The following FBXO42 variants were observed in gnomAD, a reference collection of about 807,000 sequenced individuals.
FBXO42 encodes F-box protein 42.
A neutral mutation model predicts 71.7 loss-of-function variants in FBXO42; 12 were observed. That is an observed-to-expected ratio of 0.17 (90% confidence interval 0.11 to 0.27). The LOEUF (loss-of-function observed/expected upper bound fraction) is 0.27. Ranked by LOEUF, FBXO42 falls within the 10% of genes least tolerant of loss-of-function variation. The pLI is 1.00. For missense variants in FBXO42, 707 were observed against 911.9 expected (o/e 0.78, Z 2.89); for synonymous variants, 325 against 327.5 (o/e 0.99, Z 0.08).
intron 7 of FBXO42, 75 bp downstream of exon 7, chr1:16,253,560 C>A: frequency 7.3e-7 from 1 of 1,362,344 alleles, no homozygotes; most frequent in Non-Finnish European, 1.0e-6. Context: ...TCTTACCTGA[C>A]TCCCTCCTCC....
chr1:16,259,567 C>T (rs1391982389), intron 4 of FBXO42, among the ~76,000 whole-genome samples: 1 of 151,928 alleles, frequency 6.6e-6, no homozygotes, highest in Non-Finnish European at 1.5e-5. Flanking sequence ...AGTTTCAGAC[C>T]AGTCTGGCCA....
chr1:16,270,756 A>G (rs2081834145), intron 4 of FBXO42, among the ~76,000 whole-genome samples: 1 of 137,680 alleles, frequency 7.3e-6, no homozygotes, highest in African/African-American at 2.9e-5. Context: ...TGAGATACAC[A>G]CACACACACA....
intron 2 of FBXO42, among the ~76,000 whole-genome samples, chr1:16,309,357 A>G (rs553697373): frequency 9.3e-4 from 141 of 151,682 alleles, no homozygotes; most frequent in Middle Eastern, 3.4e-3. Flanking sequence ...GATTATAGGC[A>G]TGAGCCACCG....
chr1:16,309,446 G>A (rs1326110373), intron 2 of FBXO42, among the ~76,000 whole-genome samples: 1 of 152,028 alleles, frequency 6.6e-6, no homozygotes, highest in Non-Finnish European at 1.5e-5. Flanking sequence ...CTACATGCAA[G>A]AAAATGAATC....
At position 16,266,181 on chromosome 1, in the gene FBXO42, T is replaced by G. The variant is rs2081770133; in HGVS notation, c.503-9422A>C. Among the ~76,000 whole-genome samples the G allele has an allele frequency of 4.0e-5, 6 of 150,890 alleles. No individual in the cohort carries two copies. The South Asian group carries it at 1.2e-3, about 31-fold the overall frequency. ...TTTCATGGCTGTTTTCAAAGTATAG[T>G]TTTTTTTAAAAAAAATAGAAACATC... On this transcript the variant is annotated intron_variant, in intron 4 of 9. Coordinates refer to ENST00000375592, the MANE Select transcript of FBXO42 (RefSeq NM_018994.3).
intron 4 of FBXO42, among the ~76,000 whole-genome samples, chr1:16,262,730 C>G (rs2081727674): frequency 6.6e-6 from 1 of 152,154 alleles, no homozygotes; most frequent in Non-Finnish European, 1.5e-5. Context: ...CAGGGTCTCA[C>G]TCCGGTTGCC....
intron 4 of FBXO42, among the ~76,000 whole-genome samples, chr1:16,282,698 C>T (rs1459911592): frequency 2.6e-5 from 4 of 151,330 alleles, no homozygotes; most frequent in East Asian, 3.9e-4. Flanking sequence ...AAATGCTGAT[C>T]GGCTGAGTGC....
At chr1:16,305,682 C>G (rs1465870044) in intron 3 of FBXO42, 121 bp downstream of exon 3, 11 of 820,232 alleles carry the variant, frequency 1.3e-5, no homozygotes, top group Admixed American at 1.9e-5. Flanking sequence ...CCACTGCACT[C>G]CAGCTTGGGT....
rs1313015860 is a variant in FBXO42, at chr1:16,329,848, C to T, written c.-17-14413G>A. 2.6e-5 allele frequency among the ~76,000 whole-genome samples: 4 copies of T among 151,754 alleles called. No homozygotes were observed. In the East Asian group the frequency reaches 7.8e-4, roughly 30 times the overall value. On this transcript the variant is annotated intron_variant, in intron 1 of 9. Coordinates refer to ENST00000375592, the MANE Select transcript of FBXO42 (RefSeq NM_018994.3). ...CCTGTAAGCCCAGCTACTCGGGAGGCTGAGGCAGGAGAATTACTTGAACCA... is the reference window on the plus strand; with the variant it reads ...CCTGTAAGCCCAGCTACTCGGGAGGTTGAGGCAGGAGAATTACTTGAACCA...
At chr1:16,313,011 T>C (rs2082327598) in intron 2 of FBXO42, among the ~76,000 whole-genome samples, 2 of 152,058 alleles carry the variant, frequency 1.3e-5, no homozygotes, top group Admixed American at 1.3e-4. Context: ...ACCAGGCTGG[T>C]CTTGAACTCT....
chr1:16,298,770 A>G (rs535641879), intron 3 of FBXO42, among the ~76,000 whole-genome samples: 1 of 152,224 alleles, frequency 6.6e-6, no homozygotes, highest in African/African-American at 2.4e-5. Flanking sequence ...TCGGCCTCCC[A>G]AAGTGCTGAG....
At chr1:16,333,595 A>C (rs1557605600) in intron 1 of FBXO42, among the ~76,000 whole-genome samples, 1 of 152,176 alleles carries the variant, frequency 6.6e-6, no homozygotes, top group Non-Finnish European at 1.5e-5. Context: ...TTAAAAAATT[A>C]ATTAAAATAT....
chr1:16,254,722 G>A (rs1467457434), intron 6 of FBXO42, among the ~76,000 whole-genome samples: 1 of 152,180 alleles, frequency 6.6e-6, no homozygotes, highest in Non-Finnish European at 1.5e-5. Flanking sequence ...CCACTTCAGA[G>A]CACAGGGGGA....
chr1:16,272,666 C>A (rs2081859214), intron 4 of FBXO42, among the ~76,000 whole-genome samples: 1 of 152,190 alleles, frequency 6.6e-6, no homozygotes, highest in South Asian at 2.1e-4. Flanking sequence ...GTCAGCCACA[C>A]TTTGATCCCT....
At chr1:16,255,865 C>T (rs200024078) in intron 5 of FBXO42, 44 bp from the exon 6 acceptor site, 3 of 1,382,370 alleles carry the variant, frequency 2.2e-6, no homozygotes, top group Non-Finnish European at 3.0e-6. Flanking sequence ...CAGCACCACA[C>T]ACTTTATGTA....
chr1:16,335,231 G>C (rs1307666657), intron 1 of FBXO42, among the ~76,000 whole-genome samples: 1 of 152,032 alleles, frequency 6.6e-6, no homozygotes, highest in East Asian at 1.9e-4. Context: ...AGTCCAGCTG[G>C]GGCAACATGG....
chr1:16,316,847 A>G (rs1170500638), intron 1 of FBXO42, among the ~76,000 whole-genome samples: 1 of 152,142 alleles, frequency 6.6e-6, no homozygotes, highest in Non-Finnish European at 1.5e-5. Context: ...TAAGAGATCC[A>G]GGCAGTAAAA....
chr1:16,250,402 AAACACAGC>A lies in FBXO42; in HGVS notation c.*260_*267del, dbSNP rs1287078207. 1 of 154,992 alleles carries A rather than the reference AAACACAGC, an allele frequency of 6.5e-6. No homozygotes were observed. Among genetic ancestry groups the A allele is most frequent in the Non-Finnish European group, 1.4e-5 (1 of 70,038 alleles). The allele number at this position is 154,992 out of a possible 1,614,324, so 9.6% of individuals were successfully genotyped here. On this transcript the variant is annotated 3_prime_UTR_variant, in exon 10 of 10. Coordinates refer to ENST00000375592, the MANE Select transcript of FBXO42 (RefSeq NM_018994.3). This position sits in a 1 kb window ranked among gnomAD's most constrained non-coding sequence, Gnocchi z 4.7. ...GAAAAAGGCAGCCCAGCCCCTGTTAAAACACAGCAACAACTTTATCTGAACCAGGATGG... is the reference window on the plus strand; with the variant it reads ...GAAAAAGGCAGCCCAGCCCCTGTTAAAACAACTTTATCTGAACCAGGATGG...
At chr1:16,350,757 A>AGAAAAGAAAAGAAAGAAAG (rs1553156684) in intron 1 of FBXO42, among the ~76,000 whole-genome samples, 15 of 44,266 alleles carry the variant, frequency 3.4e-4, no homozygotes, top group Non-Finnish European at 5.7e-4. Flanking sequence ...AAAAAAAAAA[A>AGAAAAGAAAAGAAAGAAAG]AAAGAAAGAA....
Sources: gnomAD v4.1 joint callset for allele counts (sites outside exome capture counted in the v4.1 genomes callset) on GRCh38, gnomAD v4.1.1 for gene constraint, Gnocchi (gnomAD v3.1) non-coding constraint, MANE v1.5 for transcripts, NCBI Gene and HGNC (gene_info 2026-07-23, HGNC 2026-07-21) for gene names.